The following GABBR1 variants were observed in gnomAD, a reference collection of about 807,000 sequenced individuals.
The protein encoded by GABBR1 is gamma-aminobutyric acid type B receptor subunit 1.
Under a neutral mutation model 117.7 loss-of-function variants are expected in GABBR1, and 35 were observed. That is an observed-to-expected ratio of 0.30 (90% CI 0.23 to 0.39). GABBR1 has a LOEUF of 0.39. GABBR1 is among the 10% of genes least tolerant of loss of function. The pLI is 1.00. For missense variants in GABBR1, 709 were observed against 1,241.8 expected (o/e 0.57, Z 6.45); for synonymous variants, 442 against 486.6 (o/e 0.91, Z 1.21).
rs554338910 is a variant in GABBR1, at chr6:29,620,349, A to C, written c.1323+752T>G. Among the ~76,000 whole-genome samples, 5 of 152,342 alleles carry C rather than the reference A, an allele frequency of 3.3e-5. No individual in the cohort carries two copies. The South Asian group carries it at 1.0e-3, about 32-fold the overall frequency. ...AACTCACCCCTAACATGCTCTCCAA[A>C]GCAGGTACACACTTGGTGTAATAAG... On this transcript the variant is annotated intron_variant, in intron 11 of 22. Coordinates refer to ENST00000377034, the MANE Select transcript of GABBR1 (RefSeq NM_001470.4). The surrounding 1 kb of genome is among the most constrained non-coding windows in gnomAD (Gnocchi z 4.5).
At chr6:29,616,457 G>C (rs1274787498) in intron 11 of GABBR1, among the ~76,000 whole-genome samples, 1 of 151,522 alleles carries the variant, frequency 6.6e-6, no homozygotes, top group East Asian at 1.9e-4. Flanking sequence ...AGGCTGAGGA[G>C]GGTGAATCAT....
chr6:29,605,185 G>A lies in GABBR1; in HGVS notation c.2440-197C>T. ...TGTCCCAAACCAGTTTTCACTCTTGGTTAACCCCTCCCCTCAAGGCAGGAA... is the reference window on the plus strand; with the variant it reads ...TGTCCCAAACCAGTTTTCACTCTTGATTAACCCCTCCCCTCAAGGCAGGAA... On this transcript the variant is annotated intron_variant, in intron 20 of 22. Transcript: ENST00000377034. The surrounding 1 kb of genome is among the most constrained non-coding windows in gnomAD (Gnocchi z 4.2). 1 of 629,078 alleles carries A rather than the reference G, an allele frequency of 1.6e-6. No individual in the cohort carries two copies. The highest frequency in any genetic ancestry group is 2.3e-5 in the South Asian group (1 of 43,614). 39.0% of individuals were successfully genotyped at this position (629,078 alleles called of 1,614,324 possible).
chr6:29,610,997 G>A lies in GABBR1; in HGVS notation c.1635C>T (p.Gly545=), dbSNP rs1478992663. The change falls in exon 14 of 23, where the codon GGC becomes GGT. Residue 545 remains glycine, a synonymous_variant. Transcript: ENST00000377034. ...AWTLIEQLQG[G]SYKKIGYYDS... is the part of the protein sequence containing the mutation. ...CATAGTAGCCAATCTTCTTGTAGCT[G>A]CCACCTGGGCAGACGACAATAAAAG... The A allele has an allele frequency of 6.2e-7, 1 of 1,612,450 alleles. No individual in the cohort carries two copies. The highest frequency in any genetic ancestry group is 1.3e-5 in the African/African-American group (1 of 74,902).
At position 29,615,608 on chromosome 6, in the gene GABBR1, T is replaced by TAAAAAAAAA. The variant is rs767969781; in HGVS notation, c.1324-2124_1324-2123insTTTTTTTTT. Among the ~76,000 whole-genome samples the TAAAAAAAAA allele has an allele frequency of 2.9e-3, 368 of 126,964 alleles. 3 individuals are homozygous for TAAAAAAAAA. The highest frequency in any genetic ancestry group is 9.9e-3 in the Middle Eastern group (2 of 202). The allele number at this position is 126,964 out of a possible 152,430, so 83.3% of individuals were successfully genotyped here. On this transcript the variant is annotated intron_variant, in intron 11 of 22. Coordinates refer to ENST00000377034, the MANE Select transcript of GABBR1 (RefSeq NM_001470.4). Reference sequence around the variant, plus strand: ...TGGGCGATGGAGTGAGACTCTGCCTTTAAAAAAAAAAAAAAAAAAAGGCAG... The same window carrying TAAAAAAAAA: ...TGGGCGATGGAGTGAGACTCTGCCTTAAAAAAAAATAAAAAAAAAAAAAAAAAAAGGCAG...
intron 11 of GABBR1, among the ~76,000 whole-genome samples, chr6:29,616,438 C>T (rs1763114121): frequency 6.6e-6 from 1 of 151,448 alleles, no homozygotes; most frequent in African/African-American, 2.4e-5. Context: ...GTAATCCCAG[C>T]ACTTCAGGAG....
rs1376605081 is a variant in GABBR1 at position 29,630,065 on chromosome 6, A to G, written c.475+393T>C. On this transcript the variant is annotated intron_variant, in intron 4 of 22. Coordinates refer to ENST00000377034, the MANE Select transcript of GABBR1 (RefSeq NM_001470.4). This position sits in a 1 kb window ranked among gnomAD's most constrained non-coding sequence, Gnocchi z 4.9. Reference sequence around the variant, plus strand: ...TGAGTCTTTACAATAAATCAATTATATAAGGAATGGTGAGGGATGAATTCT... The same window carrying G: ...TGAGTCTTTACAATAAATCAATTATGTAAGGAATGGTGAGGGATGAATTCT... 2 of 184,862 alleles carry G rather than the reference A, an allele frequency of 1.1e-5. No individual in the cohort carries two copies. Among genetic ancestry groups the G allele is most frequent in the Non-Finnish European group, 2.2e-5 (2 of 90,332 alleles). 11.5% of individuals were successfully genotyped at this position (184,862 alleles called of 1,614,324 possible). A position where few individuals can be genotyped will look rare whatever the true frequency, so the allele number is the denominator to read the frequency against.
In GABBR1 at chr6:29,606,811, C is replaced by G; in HGVS notation, c.2217+86G>C. 1 of 1,112,146 alleles carries G rather than the reference C, an allele frequency of 9.0e-7. No homozygotes were observed. The highest frequency in any genetic ancestry group is 1.3e-6 in the Non-Finnish European group (1 of 745,558). The allele number at this position is 1,112,146 out of a possible 1,614,324, so 68.9% of individuals were successfully genotyped here. On this transcript the variant is annotated intron_variant, in intron 18 of 22. Coordinates refer to ENST00000377034, the MANE Select transcript of GABBR1 (RefSeq NM_001470.4). This position sits in a 1 kb window ranked among gnomAD's most constrained non-coding sequence, Gnocchi z 4.5. ...GGCACTCTCTCCAAGTAGCTTCATCCCTCAAGACACACACAGCCCCAGGGC... is the reference window on the plus strand; with the variant it reads ...GGCACTCTCTCCAAGTAGCTTCATCGCTCAAGACACACACAGCCCCAGGGC...
In GABBR1 at chr6:29,627,434, C is replaced by T. The variant is rs1764385497; in HGVS notation, c.657+52G>A. 2 of 1,498,290 alleles carry T rather than the reference C, an allele frequency of 1.3e-6. No homozygotes were observed. The highest frequency in any genetic ancestry group is 1.8e-6 in the Non-Finnish European group (2 of 1,108,360). 92.8% of individuals were successfully genotyped at this position (1,498,290 alleles called of 1,614,324 possible). ...GATGGGGGCGCGTGCAGCTGGCTGGCCCCCTGCCCCGCAAGCCCCCACCTC... is the reference window on the plus strand; with the variant it reads ...GATGGGGGCGCGTGCAGCTGGCTGGTCCCCTGCCCCGCAAGCCCCCACCTC... On this transcript the variant is annotated intron_variant, in intron 6 of 22. Coordinates refer to ENST00000377034, the MANE Select transcript of GABBR1 (RefSeq NM_001470.4). This position sits in a 1 kb window ranked among gnomAD's most constrained non-coding sequence, Gnocchi z 4.4.
Position 29,605,224 on chromosome 6 carries a change from T to C in GABBR1, c.2440-236A>G. The C allele has an allele frequency of 1.7e-6, 1 of 575,422 alleles. No individual in the cohort carries two copies. 35.6% of individuals were successfully genotyped at this position (575,422 alleles called of 1,614,324 possible). On this transcript the variant is annotated intron_variant, in intron 20 of 22. Transcript: ENST00000377034. The surrounding 1 kb of genome is among the most constrained non-coding windows in gnomAD (Gnocchi z 4.2). ...TCAAGGCAGGAACTCCCAGGATCTC[T>C]ATGCACAGATTCCGGGTCCTCCAGA...
chr6:29,612,571 G>A lies in GABBR1; in HGVS notation c.1610C>T (p.Thr537Met), dbSNP rs1762664003. The change falls in exon 13 of 23, where the codon ACG becomes ATG. Residue 537 changes from threonine to methionine, a missense_variant. Physicochemically the swap from Thr to Met is moderately conservative, Grantham distance 81. Coordinates refer to ENST00000377034, the MANE Select transcript of GABBR1 (RefSeq NM_001470.4). ...CTAACCCTGAAGCTGCTCGATAAGC[G>A]TCCATGCCATCCGAGAGCCGCTGGC... is the stretch of plus-strand genomic sequence containing the variant. ...FDASGSRMAW[T>M]LIEQLQGGSY... is the part of the protein sequence containing the mutation. 1 of 1,613,890 alleles carries A rather than the reference G, an allele frequency of 6.2e-7. No homozygotes were observed. Among genetic ancestry groups the A allele is most frequent in the Non-Finnish European group, 8.5e-7 (1 of 1,179,964 alleles).
chr6:29,608,839 C>T, intron 15 of GABBR1, 106 bp from the exon 16 acceptor site: 1 of 1,259,298 alleles, frequency 7.9e-7, no homozygotes, highest in Non-Finnish European at 1.1e-6. Context: ...AATTTCAGGG[C>T]CAGGGGCTAA....
rs536737515 is a variant in GABBR1, at chr6:29,603,643, G to A, written c.2786C>T (p.Pro929Leu). The A allele has an allele frequency of 1.1e-4, 175 of 1,523,814 alleles. 1 individual carries two copies. In the South Asian group the frequency reaches 1.8e-3, roughly 15 times the overall value. The allele number at this position is 1,523,814 out of a possible 1,614,324, so 94.4% of individuals were successfully genotyped here. ...RQQLRSRRHP[P>L]TPPEPSGGLP... is the part of the protein sequence containing the mutation. ...GCCCCCAGAGGGTTCTGGGGGTGTC[G>A]GTGGGTGGCGCCGGGAGCGGAGCTG... Residue 929 changes from proline to leucine, a missense_variant, in exon 23 of 23, where the codon CCG (proline) becomes CTG (leucine). Around this residue, in one of 9 missense-constraint regions of GABBR1, gnomAD observed 69 missense variants for 64.3 expected, o/e 1.07. Coordinates refer to ENST00000377034, the MANE Select transcript of GABBR1 (RefSeq NM_001470.4).
In GABBR1 at chr6:29,632,717, G is replaced by T. The variant is rs1385329344; in HGVS notation, c.-1+133C>A. Reference sequence around the variant, plus strand: ...GGCATCGGCCGCCTCAGCGCTCCCCGATTCCATCCCCGCGGTTCCTCCTCT... The same window carrying T: ...GGCATCGGCCGCCTCAGCGCTCCCCTATTCCATCCCCGCGGTTCCTCCTCT... On this transcript the variant is annotated intron_variant, in intron 1 of 22. Coordinates refer to ENST00000377034, the MANE Select transcript of GABBR1 (RefSeq NM_001470.4). The surrounding 1 kb of genome is among the most constrained non-coding windows in gnomAD (Gnocchi z 5.8). 3.8e-6 allele frequency: 5 copies of T among 1,310,056 alleles called. No individual in the cohort carries two copies. The highest frequency in any genetic ancestry group is 4.9e-6 in the Non-Finnish European group (5 of 1,020,968). 81.2% of individuals were successfully genotyped at this position (1,310,056 alleles called of 1,614,324 possible).
At chr6:29,629,053 T>C (rs770101225) in intron 5 of GABBR1, 34 bp downstream of exon 5, 37 of 1,612,126 alleles carry the variant, frequency 2.3e-5, no homozygotes, top group South Asian at 2.2e-4. Flanking sequence ...GGGGAGGGCA[T>C]TGCAGTGCGC....
In GABBR1 at chr6:29,608,182, C is replaced by T. The variant is rs186832173; in HGVS notation, c.1992+419G>A. On this transcript the variant is annotated intron_variant, in intron 16 of 22. Transcript: ENST00000377034. Reference sequence around the variant, plus strand: ...CCTGTGTGGCAGTGGTCCCTTCCCCCCAACTCTCTGCTGTGTTTCCATCTC... The same window carrying T: ...CCTGTGTGGCAGTGGTCCCTTCCCCTCAACTCTCTGCTGTGTTTCCATCTC... 1.3e-4 allele frequency among the ~76,000 whole-genome samples: 20 copies of T among 152,174 alleles called. 1 individual carries two copies. Among genetic ancestry groups the T allele is most frequent in the Non-Finnish European group, 1.5e-5 (1 of 68,028 alleles).
chr6:29,628,640 G>A (rs1359778539), intron 5 of GABBR1, among the ~76,000 whole-genome samples: 2 of 151,570 alleles, frequency 1.3e-5, no homozygotes, highest in South Asian at 2.1e-4. Flanking sequence ...GGAAGAGCGC[G>A]AGAGGCCTGG....
At position 29,631,647 on chromosome 6, in the gene GABBR1, G is replaced by A. The variant is rs1764986114; in HGVS notation, c.86-48C>T. On this transcript the variant is annotated intron_variant, in intron 2 of 22. Transcript: ENST00000377034. This position sits in a 1 kb window ranked among gnomAD's most constrained non-coding sequence, Gnocchi z 5.9. ...ATACAGAGAGGAATGGTGGGAAAGA[G>A]GAAAAGGCAGGCTCCCCAGTGGGAG... 3.2e-6 allele frequency: 5 copies of A among 1,551,652 alleles called. No homozygotes were observed. The highest frequency in any genetic ancestry group is 3.6e-6 in the Non-Finnish European group (4 of 1,124,104).
rs759384317 is a variant in GABBR1 at position 29,602,696 on chromosome 6, G to A, written c.*847C>T. Reference sequence around the variant, plus strand: ...GAAGAAAGTACACAAGGTACATGGAGGGTACACAGGGAAAGTACATGGATA... The same window carrying A: ...GAAGAAAGTACACAAGGTACATGGAAGGTACACAGGGAAAGTACATGGATA... On this transcript the variant is annotated 3_prime_UTR_variant, in exon 23 of 23. Coordinates refer to ENST00000377034, the MANE Select transcript of GABBR1 (RefSeq NM_001470.4). 1 of 321,854 alleles carries A rather than the reference G, an allele frequency of 3.1e-6. No homozygotes were observed. The highest frequency in any genetic ancestry group is 6.0e-6 in the Non-Finnish European group (1 of 166,626). The allele number at this position is 321,854 out of a possible 1,614,324, so 19.9% of individuals were successfully genotyped here.
intron 6 of GABBR1, among the ~76,000 whole-genome samples, chr6:29,625,207 G>GT (rs1764149069): frequency 6.6e-6 from 1 of 151,958 alleles, no homozygotes. Context: ...ACATTGGAAG[G>GT]TTTTCTCTTT....
Sources: allele counts gnomAD v4.1 joint callset (sites outside exome capture counted in the v4.1 genomes callset), GRCh38; gene constraint gnomAD v4.1.1; regional missense constraint gnomAD v4.1.1; non-coding constraint Gnocchi (gnomAD v3.1); transcripts MANE v1.5; gene names NCBI Gene and HGNC (gene_info 2026-07-23, HGNC 2026-07-21).